The following PCDH15 variants were observed in gnomAD, a reference collection of about 807,000 sequenced individuals.
The protein encoded by PCDH15 is protocadherin related 15.
Under a neutral mutation model 178.5 loss-of-function variants are expected in PCDH15, and 129 were observed. The ratio of observed to expected loss-of-function variants is 0.72; its 90% CI spans 0.63 to 0.84. The LOEUF is 0.84. Among genes scored for constraint, PCDH15 ranks in the 40% least tolerant of loss-of-function variants. The probability of loss-of-function intolerance (pLI) is 0.00; values close to 1 mark genes in which losing one functional copy is unlikely to be tolerated. For synonymous variants in PCDH15, 800 were observed against 732.0 expected (o/e 1.09, Z -1.50); for missense variants, 2,230 against 2,099.9 (o/e 1.06, Z -1.21).
At chr10:55,622,556 C>T (rs1487256948) in intron 2 of PCDH15, among the ~76,000 whole-genome samples, 6 of 152,076 alleles carry the variant, frequency 3.9e-5, no homozygotes, top group African/African-American at 1.4e-4. Context: ...AGTCCAGAAA[C>T]ATCTTAGTGT....
At chr10:55,321,144 G>A (rs1384117532), upstream of PCDH15, among the ~76,000 whole-genome samples, 2 of 149,460 alleles carry the variant, frequency 1.3e-5, no homozygotes, top group Admixed American at 6.7e-5. Context: ...AAAAGAAAAG[G>A]AAAAGAAAAA....
chr10:55,621,077 T>G (rs890871404), intron 2 of PCDH15, among the ~76,000 whole-genome samples: 5 of 152,030 alleles, frequency 3.3e-5, no homozygotes, highest in African/African-American at 1.2e-4. Context: ...TTCTATTGAT[T>G]CATCAAATTA....
At chr10:54,233,961 A>G (rs1399662434) in intron 9 of PCDH15, among the ~76,000 whole-genome samples, 1 of 152,182 alleles carries the variant, frequency 6.6e-6, no homozygotes, top group Non-Finnish European at 1.5e-5. Context: ...GTATCCTCAC[A>G]TATAGTAAAC....
intron 3 of PCDH15, among the ~76,000 whole-genome samples, chr10:54,827,477 T>C (rs1356285186): frequency 1.3e-5 from 2 of 152,126 alleles, no homozygotes; most frequent in East Asian, 3.8e-4. Context: ...GTCTTCATTC[T>C]GCTAATTTTC....
chr10:54,543,112 A>C (rs1416167459), intron 2 of PCDH15, among the ~76,000 whole-genome samples: 1 of 151,064 alleles, frequency 6.6e-6, no homozygotes, highest in Non-Finnish European at 1.5e-5. Context: ...GTGGCCCCCC[A>C]AAACTCCGAA....
At chr10:53,961,425 G>C (rs1003187948) in intron 22 of PCDH15, among the ~76,000 whole-genome samples, 1 of 151,818 alleles carries the variant, frequency 6.6e-6, no homozygotes, top group Non-Finnish European at 1.5e-5. Flanking sequence ...TCACTTATTG[G>C]CATAGACAAC....
intron 1 of PCDH15, among the ~76,000 whole-genome samples, chr10:54,784,391 G>GAGCAGATTTCGCGGTAAATTTTTACCAC (rs1950650770): frequency 6.6e-6 from 1 of 150,478 alleles, no homozygotes; most frequent in African/African-American, 2.4e-5. Context: ...ATTTTTACCA[G>GAGCAGATTTCGCGGTAAATTTTTACCAC]ACTAAGAGCA....
intron 1 of PCDH15, among the ~76,000 whole-genome samples, chr10:54,779,940 A>C (rs1950200106): frequency 1.3e-5 from 2 of 152,138 alleles, no homozygotes; most frequent in Admixed American, 1.3e-4. Context: ...GTTTATGTTC[A>C]TGCAACTACA....
In PCDH15 at chr10:55,250,482, T is replaced by TAAA. The variant is rs202237750; in HGVS notation, c.-156+69114_-156+69116dup. ...TTTTAAAATATCAGTCAGACCCTTG[T>TAAA]AAAAAAAAAAACTAGTCAATACCAA... On this transcript the variant is annotated intron_variant, in intron 1 of 5. Coordinates refer to the PCDH15 transcript ENST00000458638. Among the ~76,000 whole-genome samples, 1,232 of 132,970 alleles carry TAAA rather than the reference T, an allele frequency of 9.3e-3. 10 individuals are homozygous for TAAA. Among genetic ancestry groups the TAAA allele is most frequent in the Middle Eastern group, 0.017 (4 of 242 alleles). 87.2% of individuals were successfully genotyped at this position (132,970 alleles called of 152,430 possible).
rs546654245 is a variant in PCDH15, at chr10:53,878,787, C to T, written c.3502-11930G>A. Among the ~76,000 whole-genome samples the T allele has an allele frequency of 5.3e-5, 8 of 152,024 alleles. No homozygotes were observed. The South Asian group carries it at 1.7e-3, about 32-fold the overall frequency. On this transcript the variant is annotated intron_variant, in intron 26 of 37. Transcript: ENST00000644397. ...CAGTCAGTGGTCAAATAATATTTGG[C>T]TTAAATGTCTATAGAAGACTATCAT... is the stretch of plus-strand genomic sequence containing the variant.
At chr10:55,140,622 G>A (rs983269758) in intron 2 of PCDH15, among the ~76,000 whole-genome samples, 1 of 151,800 alleles carries the variant, frequency 6.6e-6, no homozygotes, top group African/African-American at 2.4e-5. Flanking sequence ...AGAAATACTA[G>A]CTTATTCATT....
intron 2 of PCDH15, among the ~76,000 whole-genome samples, chr10:55,105,416 G>A (rs913696514): frequency 7.2e-5 from 11 of 152,018 alleles, no homozygotes; most frequent in Non-Finnish European, 1.5e-4. Context: ...TATTTCTAGG[G>A]TTTTAAAAAT....
chr10:55,190,313 T>C (rs1839914320), intron 1 of PCDH15, among the ~76,000 whole-genome samples: 1 of 151,528 alleles, frequency 6.6e-6, no homozygotes, highest in Admixed American at 6.6e-5. Flanking sequence ...TTGATCCCAG[T>C]AGTGTTTATT....
chr10:55,034,357 G>A lies in PCDH15; in HGVS notation c.-80+132219C>T, dbSNP rs146813519. Among the ~76,000 whole-genome samples the A allele has an allele frequency of 2.2e-3, 341 of 152,290 alleles. 2 individuals carry two copies. Among genetic ancestry groups the A allele is most frequent in the African/African-American group, 8.0e-3 (334 of 41,576 alleles). ...AATGTTATTTCAGGAAATAGGGAAG[G>A]AGGTAATGTGCCCCGTCACTGACAA... On this transcript the variant is annotated intron_variant, in intron 2 of 5. Coordinates refer to the PCDH15 transcript ENST00000458638.
chr10:54,880,467 G>A (rs1025001727), intron 3 of PCDH15, among the ~76,000 whole-genome samples: 2 of 151,936 alleles, frequency 1.3e-5, no homozygotes, highest in South Asian at 4.2e-4. Context: ...AAATTTAGAA[G>A]CATTCTTCTA....
At chr10:55,212,093 T>C (rs1032216130) in intron 1 of PCDH15, among the ~76,000 whole-genome samples, 1 of 152,056 alleles carries the variant, frequency 6.6e-6, no homozygotes, top group African/African-American at 2.4e-5. Context: ...TCCATCTTCT[T>C]TTTTGTTGTT....
chr10:54,386,867 A>G (rs1366022235), intron 3 of PCDH15, among the ~76,000 whole-genome samples: 1 of 152,156 alleles, frequency 6.6e-6, no homozygotes, highest in Non-Finnish European at 1.5e-5. Context: ...TTGGTTGGAA[A>G]GTAAGGTGGT....
At chr10:55,568,580 CA>C (rs1842348911) in intron 2 of PCDH15, among the ~76,000 whole-genome samples, 1 of 151,700 alleles carries the variant, frequency 6.6e-6, no homozygotes, top group African/African-American at 2.4e-5. Context: ...ACAAATCAAA[CA>C]AAAACCCTGG....
intron 27 of PCDH15, among the ~76,000 whole-genome samples, chr10:53,859,816 CA>C (rs1308708436): frequency 1.3e-5 from 2 of 151,912 alleles, no homozygotes; most frequent in African/African-American, 4.8e-5. Context: ...TGAACAAAAA[CA>C]AAAGTGGGAA....
Sources: allele counts gnomAD v4.1 joint callset (sites outside exome capture counted in the v4.1 genomes callset), GRCh38; gene constraint gnomAD v4.1.1; transcripts MANE v1.5; gene names NCBI Gene and HGNC (gene_info 2026-07-23, HGNC 2026-07-21).